HS3ST4: variants seen among roughly 807,000 people sequenced by gnomAD.
HS3ST4 encodes heparan sulfate-glucosamine 3-sulfotransferase 4, also known as heparan sulfate glucosamine 3-O-sulfotransferase 4.
Under a neutral mutation model 29.2 loss-of-function variants are expected in HS3ST4, and 17 were observed. The observed-to-expected ratio is 0.58, with a 90% confidence interval of 0.40 to 0.87. The LOEUF is 0.87. Ranked by LOEUF, HS3ST4 falls within the 40% of genes least tolerant of loss-of-function variation. The probability of loss-of-function intolerance (pLI) is 0.00; values close to 1 mark genes in which losing one functional copy is unlikely to be tolerated. For missense variants in HS3ST4, 627 were observed against 634.5 expected (o/e 0.99, Z 0.13); for synonymous variants, 314 against 285.7 (o/e 1.10, Z -1.00).
At chr16:25,828,242 C>CTGTCTT (rs1371928058) in intron 1 of HS3ST4, among the ~76,000 whole-genome samples, 2,044 of 74,996 alleles carry the variant, frequency 0.027, 228 homozygotes, top group Admixed American at 0.031. Context: ...TTCTTTCTTT[C>CTGTCTT]TCTTTCTTTC....
At chr16:26,008,428 C>T (rs949768642) in intron 1 of HS3ST4, among the ~76,000 whole-genome samples, 1 of 152,176 alleles carries the variant, frequency 6.6e-6, no homozygotes, top group African/African-American at 2.4e-5. Flanking sequence ...GTACCCCTCC[C>T]AGAGGGATAT....
At chr16:26,049,363 G>GTCTACATCCGGAGT (rs1898308226) in intron 1 of HS3ST4, among the ~76,000 whole-genome samples, 1 of 150,398 alleles carries the variant, frequency 6.6e-6, no homozygotes, top group African/African-American at 2.4e-5. Flanking sequence ...ACATCCGGAG[G>GTCTACATCCGGAGT]TCTACATCCG....
chr16:25,998,388 G>T (rs1231956666), intron 1 of HS3ST4, among the ~76,000 whole-genome samples: 1 of 152,160 alleles, frequency 6.6e-6, no homozygotes. Context: ...GTATACTTCT[G>T]TTACTAAGGA....
intron 1 of HS3ST4, among the ~76,000 whole-genome samples, chr16:25,828,253 T>TG (rs1491587313): frequency 2.7e-5 from 2 of 73,712 alleles, no homozygotes; most frequent in African/African-American, 1.2e-4. Flanking sequence ...TCTTTCTTTC[T>TG]TTCTTTCTTT....
intron 1 of HS3ST4, among the ~76,000 whole-genome samples, chr16:25,836,374 A>G (rs1471128035): frequency 6.6e-6 from 1 of 152,196 alleles, no homozygotes; most frequent in Non-Finnish European, 1.5e-5. Context: ...AAGGAAGGAA[A>G]GAAAGAAATA....
At chr16:25,916,155 C>T (rs1475043472) in intron 1 of HS3ST4, among the ~76,000 whole-genome samples, 1 of 152,130 alleles carries the variant, frequency 6.6e-6, no homozygotes, top group Non-Finnish European at 1.5e-5. Flanking sequence ...TTTAGCAAAT[C>T]CCCTGACATC....
intron 1 of HS3ST4, among the ~76,000 whole-genome samples, chr16:25,908,007 A>G (rs955654800): frequency 1.3e-5 from 2 of 152,204 alleles, no homozygotes; most frequent in African/African-American, 4.8e-5. Context: ...GATTCATTTA[A>G]TTTTCCTTTA....
At chr16:26,092,613 G>A (rs775403423) in intron 1 of HS3ST4, among the ~76,000 whole-genome samples, 5 of 152,188 alleles carry the variant, frequency 3.3e-5, no homozygotes, top group African/African-American at 1.2e-4. Context: ...ACAGACATAA[G>A]GAGATCCGTT....
In HS3ST4 at chr16:26,063,515, GA is replaced by G. The variant is rs779275463; in HGVS notation, c.735-72083del. Among the ~76,000 whole-genome samples, 941 of 125,732 alleles carry G rather than the reference GA, an allele frequency of 7.5e-3. 4 individuals are homozygous for G. The highest frequency in any genetic ancestry group is 0.037 in the Middle Eastern group (9 of 242). 82.5% of individuals were successfully genotyped at this position (125,732 alleles called of 152,430 possible). A position where few individuals can be genotyped will look rare whatever the true frequency, so the allele number is the denominator to read the frequency against. Reference sequence around the variant, plus strand: ...CACATAGTGAGACCTTGTCTCTACTGAAAAAAAAAAAAAAGAAAAAAACCAT... The same window carrying G: ...CACATAGTGAGACCTTGTCTCTACTGAAAAAAAAAAAAAGAAAAAAACCAT... On this transcript the variant is annotated intron_variant, in intron 1 of 1. Coordinates refer to ENST00000331351, the MANE Select transcript of HS3ST4 (RefSeq NM_006040.3).
intron 1 of HS3ST4, among the ~76,000 whole-genome samples, chr16:25,732,950 G>A (rs528867095): frequency 3.9e-5 from 6 of 152,222 alleles, no homozygotes; most frequent in African/African-American, 7.2e-5. Flanking sequence ...AAATGGCAAC[G>A]TCTGTCTTCA....
At chr16:25,918,128 G>A (rs1323503983) in intron 1 of HS3ST4, among the ~76,000 whole-genome samples, 1 of 152,162 alleles carries the variant, frequency 6.6e-6, no homozygotes, top group Admixed American at 6.5e-5. Flanking sequence ...ACATTTGTTG[G>A]ACAGTAGGTC....
intron 1 of HS3ST4, among the ~76,000 whole-genome samples, chr16:25,734,072 G>C (rs948943864): frequency 1.3e-5 from 2 of 152,274 alleles, no homozygotes; most frequent in African/African-American, 4.8e-5. Flanking sequence ...AGCCGAGATT[G>C]CGCCATTGCA....
At chr16:25,876,094 G>T (rs1291728788) in intron 1 of HS3ST4, among the ~76,000 whole-genome samples, 1 of 152,106 alleles carries the variant, frequency 6.6e-6, no homozygotes, top group Non-Finnish European at 1.5e-5. Flanking sequence ...GTTCCTTCCA[G>T]TGAGACCTCC....
At chr16:26,017,503 G>C (rs1347293711) in intron 1 of HS3ST4, among the ~76,000 whole-genome samples, 1 of 152,152 alleles carries the variant, frequency 6.6e-6, no homozygotes, top group East Asian at 1.9e-4. Context: ...AGAAAAGAGA[G>C]AGCTTCCAGA....
At chr16:25,821,194 A>T (rs1270664250) in intron 1 of HS3ST4, among the ~76,000 whole-genome samples, 1 of 151,262 alleles carries the variant, frequency 6.6e-6, no homozygotes, top group Admixed American at 6.6e-5. Context: ...AGTAGCTGGG[A>T]CTACAGGCAC....
chr16:25,867,442 G>T (rs12922082), intron 1 of HS3ST4, among the ~76,000 whole-genome samples: 21,890 of 152,120 alleles, frequency 0.14, 2,022 homozygotes, highest in South Asian at 0.28. Flanking sequence ...GCTGTCCCTA[G>T]AGTGGTCCAT....
intron 1 of HS3ST4, among the ~76,000 whole-genome samples, chr16:25,799,833 T>C (rs1284255607): frequency 1.3e-5 from 2 of 152,206 alleles, no homozygotes; most frequent in Non-Finnish European, 2.9e-5. Flanking sequence ...TCTATGTATC[T>C]ACCCATCTAT....
At position 25,692,076 on chromosome 16, in the gene HS3ST4, G is replaced by C. The variant is rs1309975779; in HGVS notation, c.-342G>C. On this transcript the variant is annotated 5_prime_UTR_variant, in exon 1 of 2. Coordinates refer to ENST00000331351, the MANE Select transcript of HS3ST4 (RefSeq NM_006040.3). The stretch of plus-strand genomic sequence containing the variant: ...CTGAAGCAGAAGCCGCGGCGGAGCC[G>C]GGGAAGCGGGGGCGCTGCAGACGGA... 1 of 151,222 alleles carries C rather than the reference G, an allele frequency of 6.6e-6. No homozygotes were observed. The highest frequency in any genetic ancestry group is 1.5e-5 in the Non-Finnish European group (1 of 67,896). 9.4% of individuals were successfully genotyped at this position (151,222 alleles called of 1,614,324 possible).
chr16:25,714,139 G>A (rs529100885), intron 1 of HS3ST4, among the ~76,000 whole-genome samples: 85 of 151,770 alleles, frequency 5.6e-4, no homozygotes, highest in African/African-American at 1.9e-3. Context: ...GAACCTCCCC[G>A]TTCCAAAAAA....
Sources: allele counts gnomAD v4.1 joint callset (sites outside exome capture counted in the v4.1 genomes callset), GRCh38; gene constraint gnomAD v4.1.1; transcripts MANE v1.5; gene names NCBI Gene and HGNC (gene_info 2026-07-23, HGNC 2026-07-21).